The following ADAM12 variants were observed in gnomAD, a reference collection of about 807,000 sequenced individuals.
ADAM12 encodes disintegrin and metalloproteinase domain-containing protein 12.
A neutral mutation model predicts 106.4 loss-of-function variants in ADAM12; 70 were observed. That is an observed-to-expected ratio of 0.66 (90% confidence interval 0.54 to 0.80). The LOEUF (loss-of-function observed/expected upper bound fraction) is 0.80. ADAM12 is among the 30% of genes least tolerant of loss of function. ADAM12 has a pLI of 0.00. For missense variants in ADAM12, 1,010 were observed against 1,171.9 expected, an observed-to-expected ratio of 0.86 and a Z score of 2.02; for synonymous variants, 420 against 433.5, an observed-to-expected ratio of 0.97 and a Z score of 0.39.
chr10:126,209,936 C>T (rs772497949), intron 3 of ADAM12, among the ~76,000 whole-genome samples: 1 of 152,214 alleles, frequency 6.6e-6, no homozygotes, highest in Non-Finnish European at 1.5e-5. Flanking sequence ...GAACAGGCGA[C>T]TGCTGATCAC....
At chr10:126,343,185 C>G (rs193040419) in intron 1 of ADAM12, among the ~76,000 whole-genome samples, 1 of 145,496 alleles carries the variant, frequency 6.9e-6, no homozygotes, top group East Asian at 2.1e-4. Context: ...CCCCTCCCCC[C>G]ATCCCACGAC....
Position 126,068,213 on chromosome 10 carries a change from C to T in ADAM12, c.1324-1407G>A, listed in dbSNP as rs1338249522. Among the ~76,000 whole-genome samples, 4 of 152,112 alleles carry T rather than the reference C, an allele frequency of 2.6e-5. No homozygotes were observed. The East Asian group carries it at 5.8e-4, about 22-fold the overall frequency. On this transcript the variant is annotated intron_variant, in intron 12 of 22. Coordinates refer to ENST00000448723, the MANE Select transcript of ADAM12 (RefSeq NM_001288973.2). ...GGAACTTTTTTTAAAAAAAGTAGTC[C>T]ATTAATTGCATTTTTAAATCAGTGT...
intron 2 of ADAM12, among the ~76,000 whole-genome samples, chr10:126,305,429 T>C (rs1960801728): frequency 6.6e-6 from 1 of 152,080 alleles, no homozygotes; most frequent in African/African-American, 2.4e-5. Flanking sequence ...TCTTTAGTGC[T>C]ATAAAACAGA....
intron 8 of ADAM12, among the ~76,000 whole-genome samples, chr10:126,103,359 G>A (rs960453706): frequency 4.6e-5 from 7 of 152,094 alleles, no homozygotes; most frequent in African/African-American, 1.2e-4. Context: ...GGCTGCTGAC[G>A]GGTTCCTTTT....
intron 21 of ADAM12, among the ~76,000 whole-genome samples, chr10:126,031,276 C>T (rs766867873): frequency 3.2e-4 from 49 of 152,216 alleles, no homozygotes; most frequent in Non-Finnish European, 6.3e-4. Context: ...TTCTTTTTCT[C>T]ATTACAAATT....
chr10:126,270,835 C>T (rs962131868), intron 3 of ADAM12, among the ~76,000 whole-genome samples: 4 of 152,162 alleles, frequency 2.6e-5, no homozygotes, highest in East Asian at 1.9e-4. Flanking sequence ...GGCCTGGGAG[C>T]GATCCTAGAG....
intron 8 of ADAM12, among the ~76,000 whole-genome samples, chr10:126,107,333 C>T (rs1428362530): frequency 1.3e-5 from 2 of 152,140 alleles, no homozygotes; most frequent in Non-Finnish European, 2.9e-5. Flanking sequence ...ATGCCTTGGA[C>T]CATGCTGTGT....
chr10:126,135,747 A>G, intron 4 of ADAM12, 87 bp from the exon 5 acceptor site: 1 of 1,185,340 alleles, frequency 8.4e-7, no homozygotes, highest in Admixed American at 1.9e-5. Context: ...GTTTTTAACT[A>G]TAGAATTTTC....
chr10:126,343,465 T>C (rs1329880479), intron 1 of ADAM12, among the ~76,000 whole-genome samples: 2 of 152,324 alleles, frequency 1.3e-5, no homozygotes, highest in East Asian at 3.9e-4. Flanking sequence ...TCTTTGCTAT[T>C]GGGAATAGTG....
intron 1 of ADAM12, among the ~76,000 whole-genome samples, chr10:126,358,128 G>A (rs1456517834): frequency 4.7e-5 from 7 of 148,870 alleles, no homozygotes; most frequent in East Asian, 2.0e-4. Flanking sequence ...GCAGTGAGCC[G>A]AGATCGCGCC....
At chr10:126,280,424 A>C (rs1403437500) in intron 2 of ADAM12, among the ~76,000 whole-genome samples, 1 of 152,220 alleles carries the variant, frequency 6.6e-6, no homozygotes, top group African/African-American at 2.4e-5. Context: ...GAAATTTAAA[A>C]ATTAGTTCAC....
intron 14 of ADAM12, among the ~76,000 whole-genome samples, chr10:126,063,594 G>A (rs917564529): frequency 6.6e-6 from 1 of 152,192 alleles, no homozygotes; most frequent in Non-Finnish European, 1.5e-5. Flanking sequence ...GACCACAAGA[G>A]GCCTTGCCAG....
intron 3 of ADAM12, among the ~76,000 whole-genome samples, chr10:126,174,887 G>A (rs547394752): frequency 3.3e-5 from 5 of 151,994 alleles, no homozygotes; most frequent in Admixed American, 1.3e-4. Flanking sequence ...CGAGTAGCTG[G>A]GACTACAGGC....
chr10:126,161,459 G>A (rs1956932771), intron 3 of ADAM12, among the ~76,000 whole-genome samples: 1 of 152,180 alleles, frequency 6.6e-6, no homozygotes, highest in Non-Finnish European at 1.5e-5. Flanking sequence ...AGACCTTACA[G>A]GATGGTCAAG....
chr10:126,203,015 C>T (rs1042530901), intron 3 of ADAM12, among the ~76,000 whole-genome samples: 1 of 152,198 alleles, frequency 6.6e-6, no homozygotes, highest in African/African-American at 2.4e-5. Flanking sequence ...AAGTTCCATA[C>T]TGGCTCCTTT....
chr10:126,343,380 AG>A (rs1855009403), intron 1 of ADAM12, among the ~76,000 whole-genome samples: 1 of 152,182 alleles, frequency 6.6e-6, no homozygotes, highest in Non-Finnish European at 1.5e-5. Flanking sequence ...ATGGCTGCAT[AG>A]TATTCCATGG....
chr10:126,121,115 A>ATATAGTATATATAC, intron 5 of ADAM12, among the ~76,000 whole-genome samples: 2 of 69,716 alleles, frequency 2.9e-5, no homozygotes, highest in African/African-American at 1.2e-4. Flanking sequence ...TATATAGTAT[A>ATATAGTATATATAC]TATATAGTAT....
At chr10:126,034,905 CAG>C (rs1954031545) in intron 21 of ADAM12, among the ~76,000 whole-genome samples, 1 of 151,998 alleles carries the variant, frequency 6.6e-6, no homozygotes, top group African/African-American at 2.4e-5. Context: ...CAGAGCTAAA[CAG>C]AGACATGACA....
chr10:126,356,592 G>T (rs1855550625), intron 1 of ADAM12, among the ~76,000 whole-genome samples: 1 of 152,114 alleles, frequency 6.6e-6, no homozygotes, highest in Non-Finnish European at 1.5e-5. Flanking sequence ...CAAAGATTCA[G>T]AAATCATGAC....
Sources: gnomAD v4.1 joint callset for allele counts (sites outside exome capture counted in the v4.1 genomes callset) on GRCh38, gnomAD v4.1.1 for gene constraint, MANE v1.5 for transcripts, NCBI Gene and HGNC (gene_info 2026-07-23, HGNC 2026-07-21) for gene names.